The following MVB12B variants were observed in gnomAD, a reference collection of about 807,000 sequenced individuals.
MVB12B encodes multivesicular body subunit 12B.
A neutral mutation model predicts 41.6 loss-of-function variants in MVB12B; 16 were observed. That is an observed-to-expected ratio of 0.38 (90% CI 0.26 to 0.58). The LOEUF is 0.58. Among genes scored for constraint, MVB12B ranks in the 20% least tolerant of loss-of-function variants. The pLI is 0.62. For missense variants in MVB12B, 274 were observed against 380.2 expected (o/e 0.72, Z 2.32); for synonymous variants, 133 against 139.7 (o/e 0.95, Z 0.34).
At chr9:126,421,279 G>A (rs1163720194) in intron 6 of MVB12B, among the ~76,000 whole-genome samples, 5 of 152,182 alleles carry the variant, frequency 3.3e-5, no homozygotes, top group East Asian at 3.8e-4. Flanking sequence ...TACTGTGTGC[G>A]CTGCCTGAGG....
At chr9:126,443,544 T>C (rs973455249) in intron 7 of MVB12B, among the ~76,000 whole-genome samples, 9 of 152,374 alleles carry the variant, frequency 5.9e-5, no homozygotes, top group African/African-American at 1.7e-4. Flanking sequence ...ACATGTTCAT[T>C]GTAGAAAAGT....
At chr9:126,446,820 A>G (rs1457091749) in intron 7 of MVB12B, among the ~76,000 whole-genome samples, 12 of 149,736 alleles carry the variant, frequency 8.0e-5, no homozygotes, top group Admixed American at 8.0e-4. Context: ...TTCTTGGTTG[A>G]TTTATTTGCT....
rs759075392 is a variant in MVB12B, at chr9:126,503,213, G to A, written c.910G>A (p.Ala304Thr). The A allele has an allele frequency of 1.7e-5, 26 of 1,550,762 alleles. 1 individual carries two copies. The South Asian group carries it at 1.9e-4, about 11-fold the overall frequency. The change falls in exon 10 of 10, where the codon GCC becomes ACC. Residue 304 changes from alanine (A) to threonine (T), a missense_variant. By Grantham distance (58) the Ala-to-Thr change is moderately conservative. Transcript: ENST00000361171. ...YSFRTEQSAA[A>T]RLPPSPTRCQ... ...CTTCCGCACAGAGCAGAGCGCAGCC[G>A]CCAGGCTCCCGCCCAGCCCCACCAG...
At chr9:126,343,035 A>G (rs529290700) in intron 2 of MVB12B, among the ~76,000 whole-genome samples, 10 of 152,342 alleles carry the variant, frequency 6.6e-5, no homozygotes, top group African/African-American at 1.9e-4. Context: ...GGTGGCCCTG[A>G]GTAGCACAAC....
At chr9:126,483,008 C>T (rs970856797) in intron 8 of MVB12B, among the ~76,000 whole-genome samples, 3 of 152,258 alleles carry the variant, frequency 2.0e-5, no homozygotes, top group African/African-American at 4.8e-5. Context: ...GACTCCAGAG[C>T]TGGCCTCACA....
intron 7 of MVB12B, among the ~76,000 whole-genome samples, chr9:126,422,271 G>A (rs1247585324): frequency 6.6e-6 from 1 of 152,146 alleles, no homozygotes; most frequent in East Asian, 1.9e-4. Context: ...ACGGGGCCTC[G>A]GGAGCAGCGC....
chr9:126,374,562 G>C (rs745840267), intron 2 of MVB12B, among the ~76,000 whole-genome samples: 2 of 152,222 alleles, frequency 1.3e-5, no homozygotes, highest in Non-Finnish European at 2.9e-5. Context: ...GGTCCCGAAA[G>C]GTTTGTAGAG....
chr9:126,506,746 CCT>C lies in MVB12B; in HGVS notation c.*3484_*3485del, dbSNP rs1323794265. Reference sequence around the variant, plus strand: ...CTGGAGGCCACGCCAGGCGCTCACCCCTGAGCCCACAGCCCCTGCTTGGGCTG... The same window carrying C: ...CTGGAGGCCACGCCAGGCGCTCACCCGAGCCCACAGCCCCTGCTTGGGCTG... On this transcript the variant is annotated 3_prime_UTR_variant, in exon 10 of 10. Transcript: ENST00000361171. The C allele has an allele frequency of 1.3e-5, 2 of 152,212 alleles. No individual in the cohort carries two copies. The highest frequency in any genetic ancestry group is 2.1e-4 in the South Asian group (1 of 4,824). 9.4% of individuals were successfully genotyped at this position (152,212 alleles called of 1,614,324 possible).
chr9:126,448,314 CT>C (rs1832828748), intron 7 of MVB12B: 1 of 152,362 alleles, frequency 6.6e-6, no homozygotes, highest in South Asian at 2.1e-4. Context: ...ATGAATGCCC[CT>C]TGAGAGACCA....
intron 7 of MVB12B, among the ~76,000 whole-genome samples, chr9:126,479,560 G>A: frequency 6.6e-6 from 1 of 152,200 alleles, no homozygotes; most frequent in Non-Finnish European, 1.5e-5. Context: ...ATTGTTTGGG[G>A]CCTTCCCCTC....
chr9:126,453,965 G>A (rs1036528147), intron 7 of MVB12B, among the ~76,000 whole-genome samples: 9 of 152,220 alleles, frequency 5.9e-5, no homozygotes, highest in African/African-American at 2.2e-4. Context: ...GAAGTCTGGT[G>A]TCCCATCAGG....
intron 1 of MVB12B, chr9:126,335,376 A>G: frequency 7.7e-7 from 1 of 1,304,322 alleles, no homozygotes; most frequent in African/African-American, 1.5e-5. Flanking sequence ...CACAGCATGG[A>G]CACTGGCCTC....
chr9:126,487,766 CAAAA>C lies in MVB12B; in HGVS notation c.873+3748_873+3751del, dbSNP rs570639548. Among the ~76,000 whole-genome samples, 530 of 108,900 alleles carry C rather than the reference CAAAA, an allele frequency of 4.9e-3. 1 individual carries two copies. Among genetic ancestry groups the C allele is most frequent in the African/African-American group, 0.019 (507 of 26,394 alleles). 71.4% of individuals were successfully genotyped at this position (108,900 alleles called of 152,430 possible). A position where few individuals can be genotyped will look rare whatever the true frequency, so the allele number is the denominator to read the frequency against. ...TGGGCCACAGGGCGAGACTCCGTCT[CAAAA>C]AAAAAAAAAAAAATAACAAAACAGG... On this transcript the variant is annotated intron_variant, in intron 9 of 9. Transcript: ENST00000361171.
intron 6 of MVB12B, among the ~76,000 whole-genome samples, chr9:126,419,887 G>A (rs943720809): frequency 3.3e-5 from 5 of 152,190 alleles, no homozygotes; most frequent in East Asian, 1.9e-4. Flanking sequence ...GGTGACTGAC[G>A]CCTTCATTAA....
chr9:126,454,104 C>T (rs2119164986), intron 7 of MVB12B, among the ~76,000 whole-genome samples: 1 of 152,316 alleles, frequency 6.6e-6, no homozygotes, highest in Admixed American at 6.5e-5. Flanking sequence ...ATTTTAAAAC[C>T]TGCTTTCTGT....
chr9:126,414,431 G>T (rs917657571), intron 6 of MVB12B, among the ~76,000 whole-genome samples: 2 of 152,176 alleles, frequency 1.3e-5, no homozygotes, highest in African/African-American at 4.8e-5. Flanking sequence ...GGAAGGGGAG[G>T]ATAGCTTGGT....
chr9:126,346,972 TTGAGAG>T (rs1829608164), intron 2 of MVB12B, among the ~76,000 whole-genome samples: 1 of 151,646 alleles, frequency 6.6e-6, no homozygotes, highest in South Asian at 2.1e-4. Flanking sequence ...CAACGAGAGG[TTGAGAG>T]TGCAGATGGC....
At chr9:126,431,600 G>A (rs1375436103) in intron 7 of MVB12B, among the ~76,000 whole-genome samples, 2 of 152,148 alleles carry the variant, frequency 1.3e-5, no homozygotes, top group Non-Finnish European at 2.9e-5. Flanking sequence ...CCTTCCCACT[G>A]TGCTTTCCTT....
chr9:126,394,910 G>A (rs189794687), intron 5 of MVB12B, among the ~76,000 whole-genome samples: 18 of 152,276 alleles, frequency 1.2e-4, no homozygotes, highest in Admixed American at 7.8e-4. Flanking sequence ...TCCTAGGAGC[G>A]TGGCTGTCTC....
Sources: allele counts gnomAD v4.1 joint callset (sites outside exome capture counted in the v4.1 genomes callset), GRCh38; gene constraint gnomAD v4.1.1; transcripts MANE v1.5; gene names NCBI Gene and HGNC (gene_info 2026-07-23, HGNC 2026-07-21).